DISP3: variants seen among roughly 807,000 people sequenced by gnomAD.
The protein encoded by DISP3 is protein dispatched homolog 3.
Under a neutral mutation model 135.3 loss-of-function variants are expected in DISP3, and 101 were observed. The ratio of observed to expected loss-of-function variants is 0.75; its 90% confidence interval spans 0.64 to 0.88. The LOEUF is 0.88. Ranked by LOEUF, DISP3 falls within the 40% of genes least tolerant of loss-of-function variation. The pLI is 0.00. For synonymous variants in DISP3, 856 were observed against 817.0 expected (o/e 1.05, Z -0.81); for missense variants, 1,713 against 1,878.6 (o/e 0.91, Z 1.63).
chr1:11,531,324 G>A lies in DISP3; in HGVS notation c.3230-241G>A, dbSNP rs1642571544. The stretch of plus-strand genomic sequence containing the variant: ...AGCTTTTCCAAAATTAGGGGGCGGG[G>A]CCAGGGGCTGGCCCCACAGCCAATG... On this transcript the variant is annotated intron_variant, in intron 16 of 20. Coordinates refer to ENST00000294484, the MANE Select transcript of DISP3 (RefSeq NM_020780.2). The surrounding 1 kb of genome is among the most constrained non-coding windows in gnomAD (Gnocchi z 5.2). 2.6e-5 allele frequency among the ~76,000 whole-genome samples: 4 copies of A among 152,138 alleles called. No individual in the cohort carries two copies. The highest frequency in any genetic ancestry group is 7.2e-5 in the African/African-American group (3 of 41,426).
Position 11,520,723 on chromosome 1 carries a change from T to TCGCCAGCCGGCTCCGCCC in DISP3, c.2248_2265dup (p.Leu750_Arg755dup). On this transcript the variant is annotated inframe_insertion, in exon 10 of 21. Coordinates refer to ENST00000294484, the MANE Select transcript of DISP3 (RefSeq NM_020780.2). The surrounding 1 kb of genome is among the most constrained non-coding windows in gnomAD (Gnocchi z 4.8). The stretch of plus-strand genomic sequence containing the variant: ...TCCATCCTCATCTTGTCCCTGGTGT[T>TCGCCAGCCGGCTCCGCCC]CGCCAGCCGGCTCCGCCCCGCCAGC... 1 of 1,613,214 alleles carries TCGCCAGCCGGCTCCGCCC rather than the reference T, an allele frequency of 6.2e-7. No homozygotes were observed. Among genetic ancestry groups the TCGCCAGCCGGCTCCGCCC allele is most frequent in the South Asian group, 1.1e-5 (1 of 91,064 alleles).
intron 10 of DISP3, among the ~76,000 whole-genome samples, chr1:11,522,942 GC>G (rs1642285938): frequency 2.2e-5 from 3 of 138,542 alleles, no homozygotes; most frequent in Non-Finnish European, 3.2e-5. Context: ...CCAGGACCCA[GC>G]CAGAGCCCAA....
Position 11,522,075 on chromosome 1 carries a change from C to T in DISP3, c.2362+1227C>T, listed in dbSNP as rs543068136. 2.0e-3 allele frequency among the ~76,000 whole-genome samples: 310 copies of T among 152,126 alleles called. 5 individuals are homozygous for T. Among genetic ancestry groups the T allele is most frequent in the African/African-American group, 7.1e-3 (294 of 41,476 alleles). Reference sequence around the variant, plus strand: ...TAGGACTTGGTGACGGAGTGGGAGTCGGGAATGAGCCAGGAGGGAAGACAG... The same window carrying T: ...TAGGACTTGGTGACGGAGTGGGAGTTGGGAATGAGCCAGGAGGGAAGACAG... On this transcript the variant is annotated intron_variant, in intron 10 of 20. Coordinates refer to ENST00000294484, the MANE Select transcript of DISP3 (RefSeq NM_020780.2).
intron 2 of DISP3, 99 bp from the exon 3 acceptor site, chr1:11,502,579 C>A: frequency 1.1e-6 from 1 of 947,608 alleles, no homozygotes. Flanking sequence ...CAGGGGGAAT[C>A]CTGGGAGGCA....
intron 11 of DISP3, among the ~76,000 whole-genome samples, chr1:11,524,439 C>T (rs1363368785): frequency 1.3e-5 from 2 of 151,982 alleles, no homozygotes; most frequent in Admixed American, 1.3e-4. Flanking sequence ...CTGTGTCTGT[C>T]CCTGTCACCC....
rs909557743 is a variant in DISP3, at chr1:11,501,013, C to G, written c.21C>G (p.Pro7=). 1.2e-6 allele frequency: 2 copies of G among 1,614,050 alleles called. No individual in the cohort carries two copies. The change falls in exon 2 of 21, where the codon CCC becomes CCG. Residue 7 remains proline, a synonymous_variant. Coordinates refer to ENST00000294484, the MANE Select transcript of DISP3 (RefSeq NM_020780.2). This position sits in a 1 kb window ranked among gnomAD's most constrained non-coding sequence, Gnocchi z 4.9. MDTEDD[P]LLQDVWLEEE... ...AGACTATGGACACGGAGGATGACCC[C>G]TTGCTGCAGGATGTGTGGCTAGAGG...
In DISP3 at chr1:11,520,031, G is replaced by C. The variant is rs1281727573; in HGVS notation, c.2200+151G>C. 2.7e-6 allele frequency: 2 copies of C among 753,132 alleles called. No individual in the cohort carries two copies. Among genetic ancestry groups the C allele is most frequent in the South Asian group, 1.9e-5 (1 of 53,920 alleles). The allele number at this position is 753,132 out of a possible 1,614,324, so 46.7% of individuals were successfully genotyped here. On this transcript the variant is annotated intron_variant, in intron 9 of 20. Transcript: ENST00000294484. This position sits in a 1 kb window ranked among gnomAD's most constrained non-coding sequence, Gnocchi z 4.8. Reference sequence around the variant, plus strand: ...TCTGACCCCCCCTCTTTCCTGTGCAGAATGAAGCCGGTCATGGCGGCTGTT... The same window carrying C: ...TCTGACCCCCCCTCTTTCCTGTGCACAATGAAGCCGGTCATGGCGGCTGTT...
At position 11,496,744 on chromosome 1, in the gene DISP3, C is replaced by T. The variant is rs150085458; in HGVS notation, c.-3-4246C>T. Among the ~76,000 whole-genome samples, 148 of 152,356 alleles carry T rather than the reference C, an allele frequency of 9.7e-4. 1 individual carries two copies. Among genetic ancestry groups the T allele is most frequent in the African/African-American group, 3.4e-3 (142 of 41,582 alleles). ...GCCTCAGTTTGGTGCGAGGGACTCT[C>T]AGATGGCTCTTGCCCTACTCGGGCT... On this transcript the variant is annotated intron_variant, in intron 1 of 20. Coordinates refer to ENST00000294484, the MANE Select transcript of DISP3 (RefSeq NM_020780.2).
intron 13 of DISP3, among the ~76,000 whole-genome samples, chr1:11,527,342 G>A (rs1349934385): frequency 6.6e-6 from 1 of 152,052 alleles, no homozygotes; most frequent in Non-Finnish European, 1.5e-5. Flanking sequence ...GAGGTCAGCC[G>A]ATCGAGACCA....
At position 11,529,982 on chromosome 1, in the gene DISP3, A is replaced by T; in HGVS notation, c.3102+23A>T. ...CCGGTACGGGGCATGCGTCGGGCAG[A>T]TGCCGAGGGCCCCAGCTGCAACAGT... On this transcript the variant is annotated intron_variant, in intron 15 of 20. Transcript: ENST00000294484. The surrounding 1 kb of genome is among the most constrained non-coding windows in gnomAD (Gnocchi z 4.7). 2 of 1,605,210 alleles carry T rather than the reference A, an allele frequency of 1.2e-6. No homozygotes were observed. The highest frequency in any genetic ancestry group is 1.3e-5 in the African/African-American group (1 of 74,954).
chr1:11,501,657 G>C lies in DISP3; in HGVS notation c.665G>C (p.Arg222Pro). The change falls in exon 2 of 21, where the codon CGA becomes CCA. Residue 222 changes from arginine (R) to proline (P), a missense_variant. Transcript: ENST00000294484. The surrounding 1 kb of genome is among the most constrained non-coding windows in gnomAD (Gnocchi z 4.9). ...GCAGCCAACCAGAGTGAAGACCCGC[G>C]AAACCAGCGGCTGAGCAAGAATGGG... ...DLAANQSEDP[R>P]NQRLSKNGRY... is the part of the protein sequence containing the mutation. The C allele has an allele frequency of 1.2e-6, 2 of 1,608,712 alleles. No individual in the cohort carries two copies. Among genetic ancestry groups the C allele is most frequent in the Non-Finnish European group, 1.7e-6 (2 of 1,178,196 alleles).
At chr1:11,493,251 CAAG>C (rs1641236432) in intron 1 of DISP3, among the ~76,000 whole-genome samples, 4 of 152,188 alleles carry the variant, frequency 2.6e-5, no homozygotes, top group Admixed American at 2.0e-4. Flanking sequence ...GCTGAAGACC[CAAG>C]AAGAGCTGAT....
chr1:11,509,619 A>G (rs970579041), intron 3 of DISP3, among the ~76,000 whole-genome samples: 5 of 152,200 alleles, frequency 3.3e-5, no homozygotes, highest in African/African-American at 4.8e-5. Context: ...TTTGATGATC[A>G]TTTTGAAATT....
In DISP3 at chr1:11,501,467, C is replaced by T; in HGVS notation, c.475C>T (p.Leu159=). ...QRLISEQLQQ[L]HLGNRSRQAS... is the part of the protein sequence containing the mutation. ...CCTTATCTCAGAGCAGCTGCAGCAG[C>T]TGCATCTCGGCAACCGCTCGCGGCA... Residue 159 remains leucine (L), a synonymous_variant, in exon 2 of 21, where the codon CTG becomes TTG. Coordinates refer to ENST00000294484, the MANE Select transcript of DISP3 (RefSeq NM_020780.2). This position sits in a 1 kb window ranked among gnomAD's most constrained non-coding sequence, Gnocchi z 4.9. 1 of 1,604,474 alleles carries T rather than the reference C, an allele frequency of 6.2e-7. No homozygotes were observed. The highest frequency in any genetic ancestry group is 8.5e-7 in the Non-Finnish European group (1 of 1,175,756).
chr1:11,522,660 G>GGGCCC (rs1642249558), intron 10 of DISP3, among the ~76,000 whole-genome samples: 7 of 134,304 alleles, frequency 5.2e-5, no homozygotes, highest in South Asian at 2.3e-4. Flanking sequence ...GGCCCAGCCA[G>GGGCCC]AGCCCAGCCA....
intron 2 of DISP3, among the ~76,000 whole-genome samples, 155 bp downstream of exon 2, chr1:11,502,243 G>A (rs944787584): frequency 6.6e-6 from 1 of 152,240 alleles, no homozygotes; most frequent in Admixed American, 6.5e-5. Context: ...AAAAGGGCTG[G>A]GCTCAGGTGT....
At chr1:11,528,413 G>T (rs897223882) in intron 13 of DISP3, among the ~76,000 whole-genome samples, 4 of 152,164 alleles carry the variant, frequency 2.6e-5, no homozygotes, top group African/African-American at 9.7e-5. Flanking sequence ...TTAGCCAAAG[G>T]TCTCCTCTCT....
intron 1 of DISP3, among the ~76,000 whole-genome samples, chr1:11,495,805 C>G (rs55975941): frequency 6.6e-6 from 1 of 152,196 alleles, no homozygotes; most frequent in Non-Finnish European, 1.5e-5. Context: ...TCTCACTGGG[C>G]GCTGTCCTGC....
chr1:11,513,707 A>T (rs963302835), intron 3 of DISP3, among the ~76,000 whole-genome samples: 3 of 152,164 alleles, frequency 2.0e-5, no homozygotes, highest in Non-Finnish European at 4.4e-5. Context: ...GGAGTCCAAT[A>T]TCTCATATTT....
Sources: allele counts gnomAD v4.1 joint callset (sites outside exome capture counted in the v4.1 genomes callset), GRCh38; gene constraint gnomAD v4.1.1; non-coding constraint Gnocchi (gnomAD v3.1); transcripts MANE v1.5; gene names NCBI Gene and HGNC (gene_info 2026-07-23, HGNC 2026-07-21).